CRY1: variants seen among roughly 807,000 people sequenced by gnomAD.
The protein encoded by CRY1 is cryptochrome-1.
In CRY1, 45 loss-of-function variants were observed where a neutral mutation model predicts 76.0. That is an observed-to-expected ratio of 0.59 (90% CI 0.47 to 0.76). CRY1 has a LOEUF of 0.76. Among genes scored for constraint, CRY1 ranks in the 30% least tolerant of loss-of-function variants. The pLI, the probability that CRY1 is intolerant of heterozygous loss-of-function variation, is 0.00. For missense variants in CRY1, 587 were observed against 716.4 expected, an observed-to-expected ratio of 0.82 and a Z score of 2.06; for synonymous variants, 248 against 244.0, an observed-to-expected ratio of 1.02 and a Z score of -0.15.
At chr12:107,079,012 A>G (rs1953290930) in intron 1 of CRY1, among the ~76,000 whole-genome samples, 1 of 152,146 alleles carries the variant, frequency 6.6e-6, no homozygotes, top group Admixed American at 6.6e-5. Context: ...TCTCTCTTCT[A>G]ACATTCACTC....
At chr12:106,992,535 C>T (rs1952190255) in intron 12 of CRY1, 1 of 301,766 alleles carries the variant, frequency 3.3e-6, no homozygotes. Context: ...AAAAACTTGA[C>T]CACAAAATCA....
chr12:107,005,272 A>G, intron 2 of CRY1, 24 bp from the exon 3 acceptor site: 2 of 1,574,428 alleles, frequency 1.3e-6, no homozygotes, highest in Non-Finnish European at 1.7e-6. Context: ...AAGGGGAACA[A>G]TGTACACCAA....
At chr12:107,072,501 G>A (rs2136893939) in intron 1 of CRY1, among the ~76,000 whole-genome samples, 1 of 152,244 alleles carries the variant, frequency 6.6e-6, no homozygotes, top group Admixed American at 6.5e-5. Flanking sequence ...TGCTTTATAG[G>A]TGAATTCTAG....
chr12:106,992,462 C>A, intron 12 of CRY1: 1 of 179,156 alleles, frequency 5.6e-6, no homozygotes, highest in Non-Finnish European at 1.2e-5. Flanking sequence ...AAACAGGCCA[C>A]TTTAATTGTT....
At chr12:107,038,120 G>C (rs186691234) in intron 1 of CRY1, among the ~76,000 whole-genome samples, 8 of 152,302 alleles carry the variant, frequency 5.3e-5, no homozygotes, top group Admixed American at 1.3e-4. Flanking sequence ...CTTTACAAGA[G>C]AGATGATGAT....
At position 107,001,865 on chromosome 12, in the gene CRY1, A is replaced by ATCTC. The variant is rs1429085532; in HGVS notation, c.490_493dup (p.Ile165ArgfsTer21). The ATCTC allele has an allele frequency of 2.0e-5, 32 of 1,598,686 alleles. No homozygotes were observed. The highest frequency in any genetic ancestry group is 2.6e-5 in the Non-Finnish European group (31 of 1,176,528). Reference sequence around the variant, plus strand: ...TTCTGAAGTAATTGTCTCTACTGGTATCTCTAGTGGTTCCATTTTGCTGAT... The same window carrying ATCTC: ...TTCTGAAGTAATTGTCTCTACTGGTATCTCTCTCTAGTGGTTCCATTTTGCTGAT... On this transcript the variant is annotated frameshift_variant, in exon 4 of 13. Coordinates refer to ENST00000008527, the MANE Select transcript of CRY1 (RefSeq NM_004075.5). LOFTEE classifies it high-confidence loss of function.
chr12:107,062,587 T>C (rs1347101726), intron 1 of CRY1, among the ~76,000 whole-genome samples: 1 of 152,198 alleles, frequency 6.6e-6, no homozygotes, highest in Non-Finnish European at 1.5e-5. Flanking sequence ...TCCTGGTTTT[T>C]CTGTGATAAA....
chr12:107,013,799 T>G (rs1263686537), intron 2 of CRY1, among the ~76,000 whole-genome samples: 1 of 152,214 alleles, frequency 6.6e-6, no homozygotes, highest in East Asian at 1.9e-4. Context: ...AAACTCCGTT[T>G]AAAATAAGCT....
intron 10 of CRY1, among the ~76,000 whole-genome samples, chr12:106,993,305 C>A (rs1265616471): frequency 2.0e-5 from 3 of 151,824 alleles, no homozygotes; most frequent in African/African-American, 7.3e-5. Flanking sequence ...CAATTTGAAA[C>A]TTGACCATGA....
chr12:107,046,145 T>C (rs1025906454), intron 1 of CRY1, among the ~76,000 whole-genome samples: 4 of 141,948 alleles, frequency 2.8e-5, no homozygotes, highest in Non-Finnish European at 6.2e-5. Flanking sequence ...AAAAAAAAAT[T>C]AGTTGGGCAT....
At chr12:106,993,092 AT>A in intron 10 of CRY1, 56 bp from the exon 11 acceptor site, 1 of 1,553,234 alleles carries the variant, frequency 6.4e-7, no homozygotes, top group Non-Finnish European at 8.9e-7. Flanking sequence ...AGATGTATGT[AT>A]TATTAAGTCT....
chr12:107,069,915 T>C (rs1192591313), intron 1 of CRY1, among the ~76,000 whole-genome samples: 1 of 151,820 alleles, frequency 6.6e-6, no homozygotes, highest in South Asian at 2.1e-4. Flanking sequence ...ACTAGAAAAG[T>C]ACAAATTAAA....
intron 1 of CRY1, among the ~76,000 whole-genome samples, chr12:107,039,807 AAG>A (rs1952777960): frequency 6.6e-6 from 1 of 152,340 alleles, no homozygotes; most frequent in East Asian, 1.9e-4. Flanking sequence ...CACTCAACTC[AAG>A]GTTTTTATCC....
chr12:107,026,616 A>G (rs891684657), intron 1 of CRY1, among the ~76,000 whole-genome samples: 3 of 152,212 alleles, frequency 2.0e-5, no homozygotes, highest in East Asian at 3.9e-4. Flanking sequence ...AATTTGTTGA[A>G]AAGATTAGAA....
intron 10 of CRY1, among the ~76,000 whole-genome samples, chr12:106,997,075 C>A (rs1421461681): frequency 6.6e-6 from 1 of 152,142 alleles, no homozygotes; most frequent in African/African-American, 2.4e-5. Flanking sequence ...TAACTTGACC[C>A]AGTATCTATT....
intron 1 of CRY1, among the ~76,000 whole-genome samples, chr12:107,065,912 CCTATAGGATGTAGTTT>C (rs1303688602): frequency 6.6e-6 from 1 of 152,158 alleles, no homozygotes; most frequent in African/African-American, 2.4e-5. Context: ...TCAACCCAGC[CCTATAGGATGTAGTTT>C]CTATTCTCCC....
intron 3 of CRY1, among the ~76,000 whole-genome samples, 184 bp from the exon 4 acceptor site, chr12:107,002,132 C>G (rs1952319164): frequency 6.6e-6 from 1 of 152,104 alleles, no homozygotes; most frequent in Non-Finnish European, 1.5e-5. Context: ...AATCATTCTC[C>G]TGAGCTTCTA....
intron 1 of CRY1, among the ~76,000 whole-genome samples, chr12:107,047,129 A>C (rs187613117): frequency 6.6e-6 from 1 of 152,338 alleles, no homozygotes; most frequent in East Asian, 1.9e-4. Flanking sequence ...GTTAGGTCAC[A>C]AAACAAGACA....
At chr12:107,033,042 G>T (rs1375826534) in intron 1 of CRY1, among the ~76,000 whole-genome samples, 3 of 151,958 alleles carry the variant, frequency 2.0e-5, no homozygotes, top group Non-Finnish European at 2.9e-5. Flanking sequence ...AGAGGGAAGA[G>T]TAAGAAATGT....
Sources: allele counts gnomAD v4.1 joint callset (sites outside exome capture counted in the v4.1 genomes callset), GRCh38; gene constraint gnomAD v4.1.1; transcripts MANE v1.5; gene names NCBI Gene and HGNC (gene_info 2026-07-23, HGNC 2026-07-21).